The following DPP10 variants were observed in gnomAD, a reference collection of about 807,000 sequenced individuals.
DPP10 encodes the protein inactive dipeptidyl peptidase 10.
DPP10 carries 33 observed loss-of-function variants against 120.9 expected under a neutral mutation model. That is an observed-to-expected ratio of 0.27 (90% CI 0.21 to 0.37). The LOEUF is 0.37. Among genes scored for constraint, DPP10 ranks in the 10% least tolerant of loss-of-function variants. The pLI is 1.00. For missense variants in DPP10, 816 were observed against 942.8 expected (o/e 0.87, Z 1.76); for synonymous variants, 337 against 326.1 (o/e 1.03, Z -0.36).
intron 24 of DPP10, among the ~76,000 whole-genome samples, chr2:115,837,653 A>C (rs1466179767): frequency 6.6e-6 from 1 of 152,194 alleles, no homozygotes; most frequent in Non-Finnish European, 1.5e-5. Context: ...AACAGTGACA[A>C]GTCATGTTAT....
chr2:115,528,319 TGCACATTGTGCACATGTA>T (rs1441526178), intron 5 of DPP10, among the ~76,000 whole-genome samples: 1 of 151,248 alleles, frequency 6.6e-6, no homozygotes, highest in Non-Finnish European at 1.5e-5. Flanking sequence ...GTAACAAACC[TGCACATTGTGCACATGTA>T]CCCTAGAACT....
chr2:115,571,473 A>G (rs952545009), intron 5 of DPP10, among the ~76,000 whole-genome samples: 30 of 152,174 alleles, frequency 2.0e-4, no homozygotes, highest in African/African-American at 6.8e-4. Context: ...ATAAATGAGA[A>G]CATGTAGTAT....
At chr2:115,573,870 C>T (rs1422665433) in intron 5 of DPP10, among the ~76,000 whole-genome samples, 1 of 152,056 alleles carries the variant, frequency 6.6e-6, no homozygotes, top group African/African-American at 2.4e-5. Context: ...TTTTTAAACT[C>T]TTGGTTTCTA....
intron 1 of DPP10, among the ~76,000 whole-genome samples, chr2:114,632,770 C>T (rs1029997645): frequency 6.6e-6 from 1 of 152,032 alleles, no homozygotes; most frequent in African/African-American, 2.4e-5. Flanking sequence ...CCTGGGCCTC[C>T]CAAAGTGCTG....
chr2:114,470,992 T>C (rs997516856), intron 1 of DPP10, among the ~76,000 whole-genome samples: 7 of 152,268 alleles, frequency 4.6e-5, no homozygotes, highest in African/African-American at 1.7e-4. Flanking sequence ...TCTCAACAAA[T>C]AGTTGTTTGT....
At chr2:114,718,255 T>G (rs966989098) in intron 1 of DPP10, among the ~76,000 whole-genome samples, 2 of 152,038 alleles carry the variant, frequency 1.3e-5, no homozygotes, top group African/African-American at 4.8e-5. Flanking sequence ...TAGCCATATG[T>G]GGCTGTATAA....
At chr2:115,706,890 C>G (rs1401156908) in intron 7 of DPP10, among the ~76,000 whole-genome samples, 1 of 151,972 alleles carries the variant, frequency 6.6e-6, no homozygotes, top group East Asian at 1.9e-4. Flanking sequence ...CGAGACTCTT[C>G]ATGTCAGAAA....
intron 1 of DPP10, among the ~76,000 whole-genome samples, chr2:115,164,686 A>G (rs1168976019): frequency 1.3e-5 from 2 of 152,236 alleles, no homozygotes; most frequent in Non-Finnish European, 2.9e-5. Flanking sequence ...GTGGAAGACC[A>G]TAATCCTTCC....
chr2:115,494,360 T>A (rs2076284140), intron 3 of DPP10, among the ~76,000 whole-genome samples: 1 of 152,176 alleles, frequency 6.6e-6, no homozygotes. Context: ...GTTCATCTCT[T>A]CCCAAAAGTC....
At chr2:115,781,350 A>G (rs1385462025) in intron 16 of DPP10, among the ~76,000 whole-genome samples, 1 of 151,930 alleles carries the variant, frequency 6.6e-6, no homozygotes, top group Non-Finnish European at 1.5e-5. Context: ...TCTTTTTAAA[A>G]CAATGCTTTG....
At chr2:115,647,601 T>G (rs1206279982) in intron 5 of DPP10, among the ~76,000 whole-genome samples, 2 of 152,140 alleles carry the variant, frequency 1.3e-5, no homozygotes, top group South Asian at 2.1e-4. Context: ...TTAGTCTGTT[T>G]GTACACTACA....
At chr2:115,160,440 A>T (rs976323643) in intron 1 of DPP10, among the ~76,000 whole-genome samples, 1 of 152,218 alleles carries the variant, frequency 6.6e-6, no homozygotes, top group African/African-American at 2.4e-5. Context: ...ATTCTACAAA[A>T]GTCTTTCAGT....
intron 7 of DPP10, among the ~76,000 whole-genome samples, chr2:115,725,500 C>A (rs1236591882): frequency 2.0e-5 from 3 of 152,182 alleles, no homozygotes; most frequent in Non-Finnish European, 4.4e-5. Flanking sequence ...TGTTCTTCTA[C>A]ATTGAAGCAG....
At chr2:115,827,699 G>A (rs1246593158) in intron 21 of DPP10, among the ~76,000 whole-genome samples, 1 of 151,232 alleles carries the variant, frequency 6.6e-6, no homozygotes, top group Non-Finnish European at 1.5e-5. Context: ...GAGTTCAAGC[G>A]ATTCTCCTGC....
chr2:115,420,958 C>T (rs947290875), intron 3 of DPP10, among the ~76,000 whole-genome samples: 22 of 152,132 alleles, frequency 1.4e-4, no homozygotes, highest in East Asian at 9.6e-4. Context: ...TCTAGAAATA[C>T]GTAATTTTAT....
chr2:114,728,923 T>C (rs1460400913), intron 1 of DPP10, among the ~76,000 whole-genome samples: 1 of 152,200 alleles, frequency 6.6e-6, no homozygotes, highest in Non-Finnish European at 1.5e-5. Context: ...GGAGGTCTCT[T>C]TTGAAATAAT....
chr2:115,676,873 T>C (rs1242201319), intron 5 of DPP10, among the ~76,000 whole-genome samples: 6 of 152,106 alleles, frequency 3.9e-5, no homozygotes, highest in Admixed American at 2.0e-4. Context: ...AAAAATGTCC[T>C]CTCTGAAGTA....
chr2:115,678,172 A>AT (rs1460248298), intron 5 of DPP10, among the ~76,000 whole-genome samples: 1 of 152,264 alleles, frequency 6.6e-6, no homozygotes. Context: ...AGAAATTTGC[A>AT]TAAGTAATGG....
chr2:114,713,749 G>A (rs1223916500), intron 1 of DPP10, among the ~76,000 whole-genome samples: 1 of 152,056 alleles, frequency 6.6e-6, no homozygotes, highest in East Asian at 1.9e-4. Flanking sequence ...CCAACCCTTA[G>A]GGAGGCAGAG....
Sources: allele counts gnomAD v4.1 joint callset (sites outside exome capture counted in the v4.1 genomes callset), GRCh38; gene constraint gnomAD v4.1.1; transcripts MANE v1.5; gene names NCBI Gene and HGNC (gene_info 2026-07-23, HGNC 2026-07-21).